AGBL4: variants seen among roughly 807,000 people sequenced by gnomAD.
AGBL4 encodes the protein AGBL carboxypeptidase 4.
A neutral mutation model predicts 66.4 loss-of-function variants in AGBL4; 58 were observed. That is an observed-to-expected ratio of 0.87 (90% confidence interval 0.71 to 1.09). AGBL4 has a LOEUF of 1.09. Among genes scored for constraint, AGBL4 ranks in the 50% least tolerant of loss-of-function variants. The probability of loss-of-function intolerance (pLI) is 0.00; values close to 1 mark genes in which losing one functional copy is unlikely to be tolerated. For synonymous variants in AGBL4, 234 were observed against 222.9 expected (o/e 1.05, Z -0.44); for missense variants, 579 against 631.0 (o/e 0.92, Z 0.88).
intron 9 of AGBL4, among the ~76,000 whole-genome samples, chr1:48,613,420 A>G (rs994398980): frequency 3.3e-5 from 5 of 152,190 alleles, no homozygotes; most frequent in Admixed American, 1.3e-4. Flanking sequence ...ATTCAGCAAT[A>G]AAGTAATTTT....
intron 6 of AGBL4, among the ~76,000 whole-genome samples, chr1:48,668,184 C>G (rs1646219286): frequency 6.6e-6 from 1 of 152,128 alleles, no homozygotes; most frequent in Non-Finnish European, 1.5e-5. Context: ...TACTCTTAAG[C>G]TGGAGAAACA....
chr1:49,460,807 C>T (rs1646495381), intron 3 of AGBL4, among the ~76,000 whole-genome samples: 1 of 151,638 alleles, frequency 6.6e-6, no homozygotes, highest in African/African-American at 2.4e-5. Context: ...GTGGTGAATA[C>T]TCTCAGCATC....
intron 5 of AGBL4, among the ~76,000 whole-genome samples, chr1:48,897,507 G>A (rs929616432): frequency 1.3e-5 from 2 of 152,112 alleles, no homozygotes; most frequent in African/African-American, 2.4e-5. Context: ...TAGTGGAATT[G>A]CTAGATCATA....
At chr1:49,882,081 G>T (rs1344899588) in intron 1 of AGBL4, among the ~76,000 whole-genome samples, 1 of 152,024 alleles carries the variant, frequency 6.6e-6, no homozygotes, top group African/African-American at 2.4e-5. Flanking sequence ...GTAAGGAAGG[G>T]ATCCAGTTTC....
intron 3 of AGBL4, among the ~76,000 whole-genome samples, chr1:49,565,784 G>A (rs988304379): frequency 3.9e-5 from 6 of 152,144 alleles, no homozygotes; most frequent in African/African-American, 1.4e-4. Flanking sequence ...GTGTCTCGGA[G>A]TTGCTCTTCT....
intron 5 of AGBL4, among the ~76,000 whole-genome samples, chr1:48,873,382 T>A (rs1044748123): frequency 6.6e-6 from 1 of 152,166 alleles, no homozygotes; most frequent in Non-Finnish European, 1.5e-5. Flanking sequence ...GGCTCTTAAC[T>A]CACGCTACCT....
intron 7 of AGBL4, among the ~76,000 whole-genome samples, chr1:48,659,062 C>T (rs931920716): frequency 1.3e-5 from 2 of 152,166 alleles, no homozygotes; most frequent in African/African-American, 4.8e-5. Flanking sequence ...TACCAGGTGA[C>T]ATCCAGTGAA....
At chr1:48,695,674 G>T (rs917289597) in intron 6 of AGBL4, among the ~76,000 whole-genome samples, 2 of 152,172 alleles carry the variant, frequency 1.3e-5, no homozygotes, top group Non-Finnish European at 2.9e-5. Context: ...AGCAGTGCTG[G>T]AATGGGAGTT....
At chr1:49,805,640 C>A (rs1644959435) in intron 2 of AGBL4, among the ~76,000 whole-genome samples, 1 of 152,118 alleles carries the variant, frequency 6.6e-6, no homozygotes, top group Non-Finnish European at 1.5e-5. Context: ...GCTTGTTTCT[C>A]CCAAAAATTC....
At chr1:49,983,503 C>G (rs770554109) in intron 1 of AGBL4, among the ~76,000 whole-genome samples, 5 of 152,198 alleles carry the variant, frequency 3.3e-5, no homozygotes, top group Admixed American at 6.5e-5. Context: ...GGGATCCAGG[C>G]CAGTAGCACA....
intron 12 of AGBL4, among the ~76,000 whole-genome samples, chr1:48,535,823 C>T (rs1446387119): frequency 2.0e-5 from 3 of 152,054 alleles, no homozygotes; most frequent in Admixed American, 6.6e-5. Flanking sequence ...CTGCTTGGGT[C>T]TCACTTTTCT....
intron 3 of AGBL4, among the ~76,000 whole-genome samples, chr1:49,600,482 T>C (rs1644933385): frequency 1.3e-5 from 2 of 152,234 alleles, no homozygotes; most frequent in African/African-American, 4.8e-5. Flanking sequence ...CCTCCACCAA[T>C]TATTTTGAGC....
intron 2 of AGBL4, among the ~76,000 whole-genome samples, chr1:49,822,761 A>G (rs945037074): frequency 9.2e-5 from 14 of 152,132 alleles, no homozygotes; most frequent in Admixed American, 2.0e-4. Flanking sequence ...GTGCTTCTAC[A>G]ACTAGTCTAC....
chr1:49,285,440 C>G (rs977835099), intron 3 of AGBL4, among the ~76,000 whole-genome samples: 2 of 152,036 alleles, frequency 1.3e-5, no homozygotes, highest in East Asian at 3.9e-4. Flanking sequence ...AATTGACACC[C>G]TAAGATCACA....
chr1:48,682,671 G>A (rs561712195), intron 6 of AGBL4, among the ~76,000 whole-genome samples: 134 of 152,282 alleles, frequency 8.8e-4, no homozygotes, highest in African/African-American at 3.1e-3. Context: ...GGGACTACAG[G>A]TATGAGCCAC....
intron 4 of AGBL4, among the ~76,000 whole-genome samples, chr1:49,098,605 T>C (rs1208470302): frequency 6.6e-6 from 1 of 152,052 alleles, no homozygotes; most frequent in Non-Finnish European, 1.5e-5. Flanking sequence ...CAGGTAAAGG[T>C]TTCAGGACAC....
At chr1:49,036,669 A>G (rs1664682141) in intron 5 of AGBL4, among the ~76,000 whole-genome samples, 1 of 151,834 alleles carries the variant, frequency 6.6e-6, no homozygotes, top group East Asian at 1.9e-4. Flanking sequence ...GGCTCAAGCA[A>G]TCTCTCTGCC....
At chr1:49,361,839 A>G (rs1161230141) in intron 3 of AGBL4, among the ~76,000 whole-genome samples, 1 of 152,088 alleles carries the variant, frequency 6.6e-6, no homozygotes, top group Non-Finnish European at 1.5e-5. Context: ...CTCATGGACC[A>G]TGATAACTTT....
At chr1:49,877,989 T>C (rs936502143) in intron 1 of AGBL4, among the ~76,000 whole-genome samples, 1 of 152,154 alleles carries the variant, frequency 6.6e-6, no homozygotes, top group Non-Finnish European at 1.5e-5. Context: ...TGTATTTCTA[T>C]GGGATCGGTG....
Sources: gnomAD v4.1 joint callset for allele counts (sites outside exome capture counted in the v4.1 genomes callset) on GRCh38, gnomAD v4.1.1 for gene constraint, MANE v1.5 for transcripts, NCBI Gene and HGNC (gene_info 2026-07-23, HGNC 2026-07-21) for gene names.